CCDC180: variants seen among roughly 807,000 people sequenced by gnomAD.
CCDC180 encodes the protein coiled-coil domain-containing protein 180.
A neutral mutation model predicts 209.2 loss-of-function variants in CCDC180; 154 were observed. That is an observed-to-expected ratio of 0.74 (90% CI 0.65 to 0.84). The LOEUF is 0.84. Among genes scored for constraint, CCDC180 ranks in the 40% least tolerant of loss-of-function variants. The probability of loss-of-function intolerance (pLI) is 0.00; values close to 1 mark genes in which losing one functional copy is unlikely to be tolerated. For synonymous variants in CCDC180, 778 were observed against 749.1 expected (o/e 1.04, Z -0.63); for missense variants, 1,874 against 1,997.3 (o/e 0.94, Z 1.18).
upstream of CCDC180, chr9:97,307,632 T>C (rs557732084): frequency 5.8e-4 from 626 of 1,086,852 alleles, 6 homozygotes; most frequent in South Asian, 8.1e-3. Flanking sequence ...TGCGCCGCAT[T>C]AGAGTTCCAG....
chr9:97,365,660 G>C lies in CCDC180; in HGVS notation c.3981-13G>C, dbSNP rs376718413. The C allele has an allele frequency of 1.9e-6, 3 of 1,613,402 alleles. No individual in the cohort carries two copies. Among genetic ancestry groups the C allele is most frequent in the Non-Finnish European group, 2.5e-6 (3 of 1,179,370 alleles). ...ACCAGGCCCCTCAGGGATCTGTCTC[G>C]TGTGTGTTGCAGGGATTTTAAGGGG... On this transcript the variant is annotated splice_polypyrimidine_tract_variant and intron_variant, in intron 29 of 36. Transcript: ENST00000529487.
intron 32 of CCDC180, 76 bp downstream of exon 32, chr9:97,370,158 G>T (rs1827039198): frequency 2.0e-6 from 3 of 1,493,794 alleles, no homozygotes; most frequent in Admixed American, 4.1e-5. Context: ...CAGGTTGTGG[G>T]CAGGGCCAAG....
intron 3 of CCDC180, among the ~76,000 whole-genome samples, chr9:97,310,178 G>GT (rs2118513686): frequency 6.6e-6 from 1 of 152,380 alleles, no homozygotes; most frequent in East Asian, 1.9e-4. Context: ...TGTGCAGAAT[G>GT]TGGGGGGCTT....
At chr9:97,357,882 A>G in intron 25 of CCDC180, 157 bp downstream of exon 25, 2 of 570,234 alleles carry the variant, frequency 3.5e-6, no homozygotes, top group Non-Finnish European at 6.1e-6. Context: ...CCCCTGTTTC[A>G]TGGAATGAAG....
rs577764829 is a variant in CCDC180 at position 97,357,643 on chromosome 9, C to T, written c.3281C>T (p.Ser1094Leu). 1.9e-6 allele frequency: 3 copies of T among 1,612,442 alleles called. No homozygotes were observed. The highest frequency in any genetic ancestry group is 1.1e-5 in the South Asian group (1 of 90,616). ...GTTTTCTAGGTGGCAAAATCCAATT[C>T]GCAAACAAATGGATTAAATTTCTCT... Reference protein sequence around the residue: ...KIKCQVAKSNSQTNGLNFSLQ... With the variant: ...KIKCQVAKSNLQTNGLNFSLQ... The change falls in exon 25 of 37, where the codon TCG (serine) becomes TTG (leucine). Residue 1094 changes from serine (S) to leucine (L), a missense_variant. Transcript: ENST00000529487.
intron 18 of CCDC180, among the ~76,000 whole-genome samples, chr9:97,340,813 C>T (rs1052250238): frequency 3.3e-5 from 5 of 152,186 alleles, no homozygotes; most frequent in Middle Eastern, 6.8e-3. Flanking sequence ...TCCCTTTCCC[C>T]GGGGGAGTTT....
At chr9:97,323,958 G>A (rs571261374) in intron 13 of CCDC180, 55 bp downstream of exon 13, 130 of 1,540,248 alleles carry the variant, frequency 8.4e-5, no homozygotes, top group Admixed American at 2.2e-4. Flanking sequence ...GGGGTCCCCG[G>A]GGTTGCTGGG....
At chr9:97,338,956 T>G (rs1360925078) in intron 18 of CCDC180, among the ~76,000 whole-genome samples, 1 of 152,200 alleles carries the variant, frequency 6.6e-6, no homozygotes, top group Non-Finnish European at 1.5e-5. Context: ...TTAAAGTCTG[T>G]TTTATCAGAG....
chr9:97,311,005 A>C (rs1241701193), intron 3 of CCDC180, among the ~76,000 whole-genome samples: 1 of 152,194 alleles, frequency 6.6e-6, no homozygotes, highest in African/African-American at 2.4e-5. Context: ...TGGGCTGAAC[A>C]CATGAGTGGC....
At chr9:97,335,411 GA>G (rs1825871870) in intron 18 of CCDC180, among the ~76,000 whole-genome samples, 1 of 151,998 alleles carries the variant, frequency 6.6e-6, no homozygotes, top group Non-Finnish European at 1.5e-5. Context: ...TCCCACCTAT[GA>G]GTGAGAACAT....
In CCDC180 at chr9:97,322,827, A is replaced by G. The variant is rs370350226; in HGVS notation, c.1160-6A>G. On this transcript the variant is annotated splice_region_variant and splice_polypyrimidine_tract_variant and intron_variant, in intron 11 of 36. Coordinates refer to ENST00000529487, the MANE Select transcript of CCDC180 (RefSeq NM_020893.6). ...GACTGATTTGCTTTGTTTTCTGCCC[A>G]TGGAGACACCTACCACGTGGACTGC... 11 of 1,613,524 alleles carry G rather than the reference A, an allele frequency of 6.8e-6. No individual in the cohort carries two copies. The highest frequency in any genetic ancestry group is 2.2e-5 in the East Asian group (1 of 44,886).
intron 18 of CCDC180, among the ~76,000 whole-genome samples, chr9:97,335,884 A>C (rs1825889408): frequency 6.6e-6 from 1 of 152,172 alleles, no homozygotes; most frequent in Non-Finnish European, 1.5e-5. Flanking sequence ...CTGGTGTGAG[A>C]TGGTATCTCT....
chr9:97,361,487 C>A (rs554068776), intron 26 of CCDC180, among the ~76,000 whole-genome samples: 1 of 152,160 alleles, frequency 6.6e-6, no homozygotes, highest in Non-Finnish European at 1.5e-5. Context: ...TGGGCAGAGA[C>A]TTGTGAAGAG....
chr9:97,343,194 G>C (rs1279560527), intron 18 of CCDC180, 146 bp from the exon 19 acceptor site: 2 of 571,596 alleles, frequency 3.5e-6, no homozygotes, highest in Non-Finnish European at 6.2e-6. Context: ...AGCACTGTGT[G>C]GGGGGCGAAA....
At chr9:97,347,682 CTTCT>C (rs1826304546) in intron 20 of CCDC180, 193 bp downstream of exon 20, 6 of 539,816 alleles carry the variant, frequency 1.1e-5, no homozygotes, top group Non-Finnish European at 1.9e-5. Flanking sequence ...ACTCCAAATC[CTTCT>C]GTGAGATTTT....
In CCDC180 at chr9:97,313,280, C is replaced by T. The variant is rs760098292; in HGVS notation, c.394C>T (p.His132Tyr). 1.9e-6 allele frequency: 3 copies of T among 1,612,502 alleles called. No individual in the cohort carries two copies. The highest frequency in any genetic ancestry group is 8.5e-7 in the Non-Finnish European group (1 of 1,179,000). The stretch of plus-strand genomic sequence containing the variant: ...CAGCACCTTTCAAAGGCAAGCAGAA[C>T]ACAAGAGGAAGAGCTACGAGAGCGC... The part of the protein sequence containing the change: ...STSTFQRQAE[H>Y]KRKSYESALA... The change falls in exon 5 of 37, where the codon CAC becomes TAC. Residue 132 changes from histidine (H) to tyrosine (Y), a missense_variant. His to Tyr is a moderately conservative substitution (Grantham distance 83, BLOSUM62 2). Coordinates refer to ENST00000529487, the MANE Select transcript of CCDC180 (RefSeq NM_020893.6).
intron 8 of CCDC180, among the ~76,000 whole-genome samples, chr9:97,316,726 T>C (rs550626628): frequency 2.0e-5 from 3 of 152,274 alleles, no homozygotes; most frequent in South Asian, 2.1e-4. Flanking sequence ...AAGAAATTTA[T>C]AAAAAAGAGT....
At chr9:97,315,367 T>A (rs1293419539) in intron 8 of CCDC180, among the ~76,000 whole-genome samples, 1 of 152,168 alleles carries the variant, frequency 6.6e-6, no homozygotes, top group Non-Finnish European at 1.5e-5. Flanking sequence ...CTCTGCCTGC[T>A]ATGTCTGGCT....
intron 14 of CCDC180, among the ~76,000 whole-genome samples, chr9:97,325,994 G>C (rs1373991292): frequency 6.6e-6 from 1 of 152,220 alleles, no homozygotes; most frequent in Non-Finnish European, 1.5e-5. Context: ...TATGGGGTCT[G>C]ATAAGACATC....
Sources: allele counts gnomAD v4.1 joint callset (sites outside exome capture counted in the v4.1 genomes callset), GRCh38; gene constraint gnomAD v4.1.1; transcripts MANE v1.5; gene names NCBI Gene and HGNC (gene_info 2026-07-23, HGNC 2026-07-21).